The following SLIT3 variants were observed in gnomAD, a reference collection of about 807,000 sequenced individuals.
SLIT3 encodes the protein slit guidance ligand 3, also known as slit homolog 3 protein.
Under a neutral mutation model 184.0 loss-of-function variants are expected in SLIT3, and 68 were observed. The ratio of observed to expected loss-of-function variants is 0.37; its 90% CI spans 0.30 to 0.45. The LOEUF is 0.45. Ranked by LOEUF, SLIT3 falls within the 20% of genes least tolerant of loss-of-function variation. SLIT3 has a pLI of 1.00. For synonymous variants in SLIT3, 831 were observed against 828.6 expected (o/e 1.00, Z -0.05); for missense variants, 1,707 against 2,026.0 (o/e 0.84, Z 3.02).
intron 4 of SLIT3, among the ~76,000 whole-genome samples, chr5:168,973,260 T>C (rs527837023): frequency 3.3e-5 from 5 of 152,320 alleles, no homozygotes; most frequent in African/African-American, 1.2e-4. Flanking sequence ...ATTATTATTA[T>C]TTTGGAGACA....
At chr5:168,696,543 A>C in intron 27 of SLIT3, 112 bp from the exon 28 acceptor site, 5 of 1,298,280 alleles carry the variant, frequency 3.9e-6, no homozygotes, top group South Asian at 1.3e-5. Flanking sequence ...TTTCCTCCAG[A>C]TGGAGGTCTG....
intron 3 of SLIT3, among the ~76,000 whole-genome samples, chr5:169,201,911 G>A (rs1447076799): frequency 6.6e-6 from 1 of 152,214 alleles, no homozygotes; most frequent in African/African-American, 2.4e-5. Context: ...TTAACCACCA[G>A]TATGCCTTAA....
rs75514568 is a variant in SLIT3, at chr5:169,110,884, C to A, written c.413+82595G>T. 6.8e-3 allele frequency among the ~76,000 whole-genome samples: 1,034 copies of A among 152,270 alleles called. 71 individuals carry two copies. The East Asian group carries it at 0.15, about 22-fold the overall frequency. On this transcript the variant is annotated intron_variant, in intron 4 of 35. Coordinates refer to ENST00000519560, the MANE Select transcript of SLIT3 (RefSeq NM_003062.4). ...AGTTCAGATGGGATTGTGTCACCCT[C>A]TTAATGGAAACCTTCCAGTGCACAT... is the stretch of plus-strand genomic sequence containing the variant.
At chr5:168,979,852 C>T (rs979187167) in intron 4 of SLIT3, among the ~76,000 whole-genome samples, 12 of 152,314 alleles carry the variant, frequency 7.9e-5, no homozygotes, top group Admixed American at 3.9e-4. Flanking sequence ...TTTTAACCTT[C>T]GTAGGTTTTC....
At chr5:168,779,729 C>G (rs1022053040) in intron 12 of SLIT3, among the ~76,000 whole-genome samples, 2 of 152,172 alleles carry the variant, frequency 1.3e-5, no homozygotes, top group African/African-American at 4.8e-5. Context: ...GAGGGAGAAC[C>G]CTCGTGACTC....
chr5:168,692,558 G>A (rs764960876), intron 29 of SLIT3, 49 bp downstream of exon 29: 25 of 1,314,866 alleles, frequency 1.9e-5, no homozygotes, highest in African/African-American at 2.9e-5. Flanking sequence ...GACTGTTAGA[G>A]GCAGAGTTTT....
In SLIT3 at chr5:168,772,799, T is replaced by G; in HGVS notation, c.1441A>C (p.Lys481Gln). 1 of 1,614,194 alleles carries G rather than the reference T, an allele frequency of 6.2e-7. No individual in the cohort carries two copies. Among genetic ancestry groups the G allele is most frequent in the Non-Finnish European group, 8.5e-7 (1 of 1,180,034 alleles). The change falls in exon 14 of 36, where the codon AAG becomes CAG. Residue 481 changes from lysine to glutamine, a missense_variant. Lys to Gln is a moderately conservative substitution (Grantham distance 53). This residue lies in a region of SLIT3 where 1,307 missense variants were observed against 1,511.6 expected (regional missense o/e 0.86). Transcript: ENST00000519560. ...ANKRISQIKS[K>Q]KFRCSGSEDY... ...TGATTACCTGAGCAGCGGAACTTCT[T>G]GCTCTTGATCTGGCTGATGCGCTTG... is the stretch of plus-strand genomic sequence containing the variant.
At chr5:169,153,971 CTTT>C (rs1177389865) in intron 4 of SLIT3, among the ~76,000 whole-genome samples, 4 of 134,828 alleles carry the variant, frequency 3.0e-5, no homozygotes, top group Admixed American at 2.2e-4. Context: ...TGCTCCCAGC[CTTT>C]TTTTTTTTTT....
intron 4 of SLIT3, among the ~76,000 whole-genome samples, chr5:169,160,557 T>C (rs956082564): frequency 2.6e-5 from 4 of 152,216 alleles, no homozygotes; most frequent in African/African-American, 9.6e-5. Flanking sequence ...GAATTTATCA[T>C]CCGTTTGGAC....
At chr5:168,717,965 T>C (rs1338817107) in intron 23 of SLIT3, 1 of 152,188 alleles carries the variant, frequency 6.6e-6, no homozygotes, top group African/African-American at 2.4e-5. Flanking sequence ...CGGCCTGTCT[T>C]TTCTTCTTAT....
At chr5:168,689,171 G>A (rs950821377) in intron 29 of SLIT3, among the ~76,000 whole-genome samples, 1 of 152,180 alleles carries the variant, frequency 6.6e-6, no homozygotes, top group Non-Finnish European at 1.5e-5. Flanking sequence ...CTGGGAACTA[G>A]CATTCCTAAC....
intron 8 of SLIT3, among the ~76,000 whole-genome samples, chr5:168,809,237 G>A (rs1757086357): frequency 6.6e-6 from 1 of 152,138 alleles, no homozygotes. Context: ...GGAAGTGGCT[G>A]GGTCTTCCGC....
chr5:169,080,004 A>C (rs1758958956), intron 4 of SLIT3, among the ~76,000 whole-genome samples: 1 of 151,884 alleles, frequency 6.6e-6, no homozygotes, highest in South Asian at 2.1e-4. Context: ...TTGGTAAGAA[A>C]GACTTTATTT....
chr5:168,738,561 A>C (rs1344251808), intron 20 of SLIT3, among the ~76,000 whole-genome samples: 1 of 152,258 alleles, frequency 6.6e-6, no homozygotes. Context: ...CCTAAAAGAA[A>C]GACTGGCAAA....
At chr5:169,125,030 G>T (rs1261611679) in intron 4 of SLIT3, among the ~76,000 whole-genome samples, 6 of 151,698 alleles carry the variant, frequency 4.0e-5, no homozygotes, top group African/African-American at 9.7e-5. Context: ...TTATTTTTTT[G>T]TTTTGTTTTG....
chr5:169,294,653 C>G (rs948545273), intron 1 of SLIT3, among the ~76,000 whole-genome samples: 2 of 152,192 alleles, frequency 1.3e-5, no homozygotes, highest in Non-Finnish European at 2.9e-5. Context: ...TCAGGGAGGG[C>G]TCCTATGGTG....
intron 6 of SLIT3, among the ~76,000 whole-genome samples, chr5:168,825,471 T>C (rs12716238): frequency 0.3 from 45,002 of 151,532 alleles, 9,283 homozygotes; most frequent in African/African-American, 0.6. Context: ...CCCTCCCATA[T>C]TTACTGTGCA....
rs1763947119 is a variant in SLIT3, at chr5:169,202,854, C to A, written c.342-9304G>T. Among the ~76,000 whole-genome samples, 3 of 150,876 alleles carry A rather than the reference C, an allele frequency of 2.0e-5. 1 individual carries two copies. Among genetic ancestry groups the A allele is most frequent in the Admixed American group, 1.3e-4 (2 of 15,162 alleles). ...ATCTCTTTTGACCTTTCCTGTACCT[C>A]ACATTGGATTACTTTTTCTCCAATG... On this transcript the variant is annotated intron_variant, in intron 3 of 35. Coordinates refer to ENST00000519560, the MANE Select transcript of SLIT3 (RefSeq NM_003062.4).
chr5:168,691,415 C>T (rs1029592668), intron 29 of SLIT3, among the ~76,000 whole-genome samples: 2 of 152,276 alleles, frequency 1.3e-5, no homozygotes, highest in African/African-American at 4.8e-5. Context: ...TCACAAATAC[C>T]CCCAGAGTCT....
Sources: gnomAD v4.1 joint callset for allele counts (sites outside exome capture counted in the v4.1 genomes callset) on GRCh38, gnomAD v4.1.1 for gene constraint, gnomAD v4.1.1 regional missense constraint, MANE v1.5 for transcripts, NCBI Gene and HGNC (gene_info 2026-07-23, HGNC 2026-07-21) for gene names.